The following GHRHR variants were observed in gnomAD, a reference collection of about 807,000 sequenced individuals.
The protein encoded by GHRHR is growth hormone-releasing hormone receptor.
Under a neutral mutation model 58.3 loss-of-function variants are expected in GHRHR, and 40 were observed. That is an observed-to-expected ratio of 0.69 (90% CI 0.53 to 0.89). GHRHR has a LOEUF of 0.89. Among genes scored for constraint, GHRHR ranks in the 40% least tolerant of loss-of-function variants. The probability of loss-of-function intolerance (pLI) is 0.00; values close to 1 mark genes in which losing one functional copy is unlikely to be tolerated. For synonymous variants in GHRHR, 249 were observed against 216.6 expected, an observed-to-expected ratio of 1.15 and a Z score of -1.31; for missense variants, 551 against 541.3, an observed-to-expected ratio of 1.02 and a Z score of -0.18.
chr7:30,975,855 C>A lies in GHRHR; in HGVS notation c.961C>A (p.Gln321Lys), dbSNP rs772975589. Residue 321 changes from glutamine to lysine, a missense_variant, in exon 10 of 13, where the codon CAG (glutamine) becomes AAG (lysine). Transcript: ENST00000326139. ...GCCAGCTCAGGGCAGCCTCCATACCCAGTCTCAGTATTGGTACTGTGTGTT... is the reference window on the plus strand; with the variant it reads ...GCCAGCTCAGGGCAGCCTCCATACCAAGTCTCAGTATTGGTACTGTGTGTT... ...LEPAQGSLHTQSQYWRLSKST... is the reference protein window; with the variant it reads ...LEPAQGSLHTKSQYWRLSKST... The A allele has an allele frequency of 6.3e-7, 1 of 1,589,248 alleles. No individual in the cohort carries two copies. The highest frequency in any genetic ancestry group is 2.2e-5 in the East Asian group (1 of 44,774).
chr7:30,972,770 C>T (rs993596148), intron 6 of GHRHR, among the ~76,000 whole-genome samples: 4 of 152,178 alleles, frequency 2.6e-5, no homozygotes, highest in African/African-American at 9.7e-5. Flanking sequence ...AGACCCAGCA[C>T]CTGCTAGATC....
intron 5 of GHRHR, among the ~76,000 whole-genome samples, chr7:30,971,755 C>G (rs1792484907): frequency 6.6e-6 from 1 of 152,194 alleles, no homozygotes; most frequent in South Asian, 2.1e-4. Context: ...ATATTCCTCT[C>G]TTTCCACACT....
intron 7 of GHRHR, 99 bp downstream of exon 7, chr7:30,974,237 G>C: frequency 7.5e-7 from 1 of 1,341,434 alleles, no homozygotes; most frequent in South Asian, 1.2e-5. Flanking sequence ...CTGAGGCCCA[G>C]AGAAGGAGAG....
rs1189579354 is a variant in GHRHR, at chr7:30,975,858, T to A, written c.964T>A (p.Ser322Thr). 1 of 1,580,336 alleles carries A rather than the reference T, an allele frequency of 6.3e-7. No individual in the cohort carries two copies. Among genetic ancestry groups the A allele is most frequent in the African/African-American group, 1.3e-5 (1 of 74,236 alleles). Residue 322 changes from serine to threonine, a missense_variant, in exon 10 of 13, where the codon TCT (serine) becomes ACT (threonine). Physicochemically the swap from Ser to Thr is moderately conservative, Grantham distance 58. Transcript: ENST00000326139. ...EPAQGSLHTQ[S>T]QYWRLSKSTL... is the part of the protein sequence containing the mutation. ...AGCTCAGGGCAGCCTCCATACCCAG[T>A]CTCAGTATTGGTACTGTGTGTTTGT...
intron 1 of GHRHR, among the ~76,000 whole-genome samples, chr7:30,967,588 G>T (rs1190419760): frequency 4.9e-5 from 4 of 82,150 alleles, no homozygotes; most frequent in Admixed American, 4.1e-4. Flanking sequence ...CATCCATGCA[G>T]CCAGTCATCT....
At chr7:30,978,069 C>T (rs1792621558) in intron 12 of GHRHR, among the ~76,000 whole-genome samples, 1 of 152,268 alleles carries the variant, frequency 6.6e-6, no homozygotes, top group Non-Finnish European at 1.5e-5. Flanking sequence ...TGCGCTCCCT[C>T]TGCTGGCCAT....
intron 9 of GHRHR, 41 bp from the exon 10 acceptor site, chr7:30,975,736 C>T (rs767227945): frequency 2.5e-6 from 3 of 1,214,182 alleles, no homozygotes; most frequent in African/African-American, 1.5e-5. Flanking sequence ...AAGGCTACCC[C>T]CTGACCCTTG....
At position 30,975,803 on chromosome 7, in the gene GHRHR, T is replaced by A. The variant is rs1207399444; in HGVS notation, c.909T>A (p.Ile303=). The A allele has an allele frequency of 6.2e-7, 1 of 1,611,440 alleles. No individual in the cohort carries two copies. Among genetic ancestry groups the A allele is most frequent in the African/African-American group, 1.3e-5 (1 of 74,860 alleles). Reference sequence around the variant, plus strand: ...TGAACTTTGGGCTTTTTCTCAATATTATCCGCATCCTGGTGAGGAAACTGG... The same window carrying A: ...TGAACTTTGGGCTTTTTCTCAATATAATCCGCATCCTGGTGAGGAAACTGG... ...VGVNFGLFLN[I]IRILVRKLEP... is the part of the protein sequence containing the mutation. The change falls in exon 10 of 13, where the codon ATT becomes ATA. Residue 303 remains isoleucine (I), a synonymous_variant. Coordinates refer to ENST00000326139, the MANE Select transcript of GHRHR (RefSeq NM_000823.4).
chr7:30,968,826 TC>T lies in GHRHR; in HGVS notation c.58-6del. The T allele has an allele frequency of 6.2e-7, 1 of 1,604,732 alleles. No individual in the cohort carries two copies. The highest frequency in any genetic ancestry group is 2.2e-5 in the East Asian group (1 of 44,834). ...GGCTTGGCTCATCCTGTTCACTGTT[TC>T]CAGCAGGTATTGGGCCACATGCACC... On this transcript the variant is annotated splice_polypyrimidine_tract_variant and splice_region_variant and intron_variant, in intron 1 of 12. Transcript: ENST00000326139.
chr7:30,967,014 C>T (rs937878990), intron 1 of GHRHR, among the ~76,000 whole-genome samples: 7 of 152,258 alleles, frequency 4.6e-5, no homozygotes, highest in African/African-American at 9.6e-5. Context: ...CCAGCCCCTC[C>T]TCTCCTGTGA....
chr7:30,973,299 T>C (rs1017189226), intron 6 of GHRHR, among the ~76,000 whole-genome samples: 3 of 152,230 alleles, frequency 2.0e-5, no homozygotes, highest in Admixed American at 1.3e-4. Flanking sequence ...AGAAAATCTA[T>C]GTGTAAATGG....
chr7:30,976,437 C>A lies in GHRHR; in HGVS notation c.983C>A (p.Ser328Tyr). ...LHTQSQYWRL[S>Y]KSTLFLIPLF... ...ATTTGTCTTTCCTGCAGGCGTCTCT[C>A]CAAGTCGACACTTTTCCTGATCCCA... Residue 328 changes from serine (S) to tyrosine (Y), a missense_variant, in exon 11 of 13, where the codon TCC becomes TAC. By Grantham distance (144) the Ser-to-Tyr change is moderately radical. Transcript: ENST00000326139. The A allele has an allele frequency of 6.2e-7, 1 of 1,613,594 alleles. No individual in the cohort carries two copies. The highest frequency in any genetic ancestry group is 8.5e-7 in the Non-Finnish European group (1 of 1,179,686).
chr7:30,969,673 G>A (rs1035118535), intron 3 of GHRHR, 194 bp from the exon 4 acceptor site: 31 of 653,100 alleles, frequency 4.7e-5, no homozygotes, highest in Admixed American at 7.4e-5. Flanking sequence ...TTTGAAGCCA[G>A]AGAAGGAAGG....
In GHRHR at chr7:30,979,359, G is replaced by C. The variant is rs1792649704; in HGVS notation, c.*115G>C. ...CCCACCCCAGCTGTTACCCAGCCCG[G>C]GGCAGGTGCAGCCCTTCCTCCCTGT... On this transcript the variant is annotated 3_prime_UTR_variant, in exon 13 of 13. Transcript: ENST00000326139. The C allele has an allele frequency of 9.6e-7, 1 of 1,036,568 alleles. No homozygotes were observed. Among genetic ancestry groups the C allele is most frequent in the Admixed American group, 2.0e-5 (1 of 50,616 alleles). The allele number at this position is 1,036,568 out of a possible 1,614,324, so 64.2% of individuals were successfully genotyped here. A position where few individuals can be genotyped will look rare whatever the true frequency, so the allele number is the denominator to read the frequency against.
At chr7:30,970,982 G>A (rs985235670) in intron 4 of GHRHR, 137 bp from the exon 5 acceptor site, 3 of 699,032 alleles carry the variant, frequency 4.3e-6, no homozygotes, top group Non-Finnish European at 7.8e-6. Flanking sequence ...GCTTTCCATG[G>A]TACTCGCGGA....
chr7:30,966,873 G>A (rs772040633), intron 1 of GHRHR, among the ~76,000 whole-genome samples: 7 of 152,114 alleles, frequency 4.6e-5, no homozygotes, highest in African/African-American at 1.2e-4. Context: ...AACTCCTGAC[G>A]TCAGGTGATC....
chr7:30,974,340 G>A (rs924252228), intron 7 of GHRHR, 89 bp from the exon 8 acceptor site: 8 of 1,135,054 alleles, frequency 7.0e-6, no homozygotes, highest in African/African-American at 6.1e-5. Context: ...AGTGCCCTAC[G>A]TGGCTGATGG....
Position 30,976,578 on chromosome 7 carries a change from C to T in GHRHR, c.1104+20C>T, listed in dbSNP as rs35997819. On this transcript the variant is annotated intron_variant, in intron 11 of 12. Transcript: ENST00000326139. ...TTCCAGGTGAGGGCCCCCACAGGCA[C>T]TCTTTCTTTCCATTGAGGGTGCTGG... is the stretch of plus-strand genomic sequence containing the variant. 5,474 of 1,610,410 alleles carry T rather than the reference C, an allele frequency of 3.4e-3. 59 individuals carry two copies. The highest frequency in any genetic ancestry group is 0.031 in the African/African-American group (2,307 of 74,970).
At chr7:30,974,614 G>T in intron 8 of GHRHR, 125 bp downstream of exon 8, 7 of 773,256 alleles carry the variant, frequency 9.1e-6, no homozygotes, top group South Asian at 7.0e-5. Flanking sequence ...GCTAGGATGG[G>T]GGGTGGGAGA....
Sources: gnomAD v4.1 joint callset for allele counts (sites outside exome capture counted in the v4.1 genomes callset) on GRCh38, gnomAD v4.1.1 for gene constraint, MANE v1.5 for transcripts, NCBI Gene and HGNC (gene_info 2026-07-23, HGNC 2026-07-21) for gene names.